DLG2: variants seen among roughly 807,000 people sequenced by gnomAD.
DLG2 encodes disks large homolog 2.
Under a neutral mutation model 132.5 loss-of-function variants are expected in DLG2, and 45 were observed. The observed-to-expected ratio is 0.34, with a 90% confidence interval of 0.27 to 0.44. The LOEUF is 0.44. Ranked by LOEUF, DLG2 falls within the 20% of genes least tolerant of loss-of-function variation. The pLI, the probability that DLG2 is intolerant of heterozygous loss-of-function variation, is 1.00. For missense variants in DLG2, 1,045 were observed against 1,196.9 expected, an observed-to-expected ratio of 0.87 and a Z score of 1.87; for synonymous variants, 424 against 419.6, an observed-to-expected ratio of 1.01 and a Z score of -0.13.
chr11:83,853,141 A>G (rs1398516545), intron 16 of DLG2, among the ~76,000 whole-genome samples: 1 of 151,792 alleles, frequency 6.6e-6, no homozygotes, highest in Non-Finnish European at 1.5e-5. Context: ...AATCACATAA[A>G]ATCCCCTTGA....
intron 7 of DLG2, among the ~76,000 whole-genome samples, chr11:84,352,668 G>C (rs1038928424): frequency 2.0e-5 from 3 of 152,088 alleles, no homozygotes; most frequent in African/African-American, 7.2e-5. Context: ...GTAGTGGTTA[G>C]GCCAAGGCAC....
chr11:84,934,303 T>A (rs574218746), intron 6 of DLG2, among the ~76,000 whole-genome samples: 30 of 152,162 alleles, frequency 2.0e-4, no homozygotes, highest in African/African-American at 7.2e-4. Flanking sequence ...TTTGCATCAA[T>A]GTTCATCAAG....
chr11:85,207,808 C>T (rs1251557411), intron 4 of DLG2, among the ~76,000 whole-genome samples: 1 of 151,844 alleles, frequency 6.6e-6, no homozygotes, highest in African/African-American at 2.4e-5. Flanking sequence ...CTGTTTCACC[C>T]ACTCATCTAT....
chr11:83,684,946 A>T (rs565444554), intron 18 of DLG2, among the ~76,000 whole-genome samples: 17 of 152,260 alleles, frequency 1.1e-4, no homozygotes, highest in Admixed American at 2.0e-4. Context: ...ACCAACAATT[A>T]CTCTCAGACA....
intron 5 of DLG2, among the ~76,000 whole-genome samples, chr11:85,145,487 G>C (rs921426656): frequency 2.0e-5 from 3 of 151,730 alleles, no homozygotes; most frequent in African/African-American, 7.3e-5. Flanking sequence ...CTGTTTTCTA[G>C]ATCTCATAGG....
At chr11:85,018,396 T>A (rs2059745489) in intron 6 of DLG2, among the ~76,000 whole-genome samples, 1 of 152,154 alleles carries the variant, frequency 6.6e-6, no homozygotes, top group Non-Finnish European at 1.5e-5. Context: ...GTGGTAGGGA[T>A]AAATTAACTG....
intron 6 of DLG2, among the ~76,000 whole-genome samples, chr11:84,953,422 C>G (rs191760810): frequency 6.6e-6 from 1 of 152,306 alleles, no homozygotes; most frequent in African/African-American, 2.4e-5. Context: ...ACCTGGCCAG[C>G]TACTTCCCAT....
intron 7 of DLG2, among the ~76,000 whole-genome samples, chr11:84,503,065 T>C (rs1240939632): frequency 6.6e-6 from 1 of 152,070 alleles, no homozygotes; most frequent in Non-Finnish European, 1.5e-5. Context: ...TTCCTGGAAG[T>C]GGTGTTTCTA....
intron 4 of DLG2, among the ~76,000 whole-genome samples, chr11:85,219,760 T>G (rs1462014534): frequency 6.7e-6 from 1 of 150,100 alleles, no homozygotes. Flanking sequence ...GCAAAGACCT[T>G]ACTTCCAAAT....
At position 84,857,176 on chromosome 11, in the gene DLG2, A is replaced by G. The variant is rs142140207; in HGVS notation, c.357+254485T>C. ...AAGTGAAGCAAATATAGAGGGGAGA[A>G]AGCAGAGTAAGAAAAGTAGGAAGTA... On this transcript the variant is annotated intron_variant, in intron 6 of 27. Transcript: ENST00000376104. 4.4e-3 allele frequency among the ~76,000 whole-genome samples: 666 copies of G among 151,938 alleles called. 6 individuals are homozygous for G. Among genetic ancestry groups the G allele is most frequent in the African/African-American group, 0.016 (650 of 41,502 alleles).
intron 14 of DLG2, among the ~76,000 whole-genome samples, chr11:83,944,107 C>A (rs1301461366): frequency 6.6e-6 from 1 of 151,464 alleles, no homozygotes; most frequent in Non-Finnish European, 1.5e-5. Context: ...ACCATTACTT[C>A]GTCTTGGAGA....
At chr11:84,316,952 C>G (rs765034535) in intron 7 of DLG2, 1 of 1,612,816 alleles carries the variant, frequency 6.2e-7, no homozygotes, top group Non-Finnish European at 8.5e-7. Context: ...GCTGGACCCC[C>G]CGGTCCTGTT....
At chr11:84,619,571 G>A (rs1226165223) in intron 6 of DLG2, among the ~76,000 whole-genome samples, 4 of 151,406 alleles carry the variant, frequency 2.6e-5, no homozygotes, top group African/African-American at 9.7e-5. Flanking sequence ...GGGATACAAA[G>A]TTGCTTGAAC....
chr11:83,919,783 A>C (rs1432655896), intron 15 of DLG2, among the ~76,000 whole-genome samples: 1 of 152,216 alleles, frequency 6.6e-6, no homozygotes, highest in Non-Finnish European at 1.5e-5. Flanking sequence ...CTCTGAACCT[A>C]TGTTAGCATC....
At chr11:83,521,401 T>G (rs1422435615) in intron 21 of DLG2, among the ~76,000 whole-genome samples, 2 of 152,232 alleles carry the variant, frequency 1.3e-5, no homozygotes, top group Non-Finnish European at 2.9e-5. Flanking sequence ...AGTGACAATT[T>G]TTTTTATTCT....
chr11:84,350,179 C>CG (rs1456929389), intron 7 of DLG2, among the ~76,000 whole-genome samples: 3 of 143,518 alleles, frequency 2.1e-5, no homozygotes, highest in Admixed American at 6.9e-5. Context: ...CTTCGTCCCC[C>CG]CCCCCAAAAA....
intron 11 of DLG2, among the ~76,000 whole-genome samples, chr11:84,009,591 A>C (rs1369982101): frequency 6.6e-6 from 1 of 152,126 alleles, no homozygotes; most frequent in African/African-American, 2.4e-5. Flanking sequence ...TGAGCAGAGA[A>C]CAGCTAAAGT....
intron 21 of DLG2, among the ~76,000 whole-genome samples, chr11:83,502,284 C>T (rs138627846): frequency 6.6e-6 from 1 of 152,060 alleles, no homozygotes; most frequent in African/African-American, 2.4e-5. Context: ...CATACCCAAG[C>T]AGTTTGGCTC....
chr11:83,907,763 A>G (rs1034588947), intron 15 of DLG2, among the ~76,000 whole-genome samples: 8 of 152,166 alleles, frequency 5.3e-5, no homozygotes, highest in Admixed American at 3.9e-4. Context: ...AGAAGTTTAT[A>G]AGCAAGCCTG....
Sources: gnomAD v4.1 joint callset for allele counts (sites outside exome capture counted in the v4.1 genomes callset) on GRCh38, gnomAD v4.1.1 for gene constraint, MANE v1.5 for transcripts, NCBI Gene and HGNC (gene_info 2026-07-23, HGNC 2026-07-21) for gene names.